The following ZNF420 variants were observed in gnomAD, a reference collection of about 807,000 sequenced individuals.
The protein encoded by ZNF420 is zinc finger protein 420.
ZNF420 carries 31 observed loss-of-function variants against 44.7 expected under a neutral mutation model. That is an observed-to-expected ratio of 0.69 (90% CI 0.52 to 0.94). The LOEUF (loss-of-function observed/expected upper bound fraction) is 0.94. Ranked by LOEUF, ZNF420 falls within the 40% of genes least tolerant of loss-of-function variation. The probability of loss-of-function intolerance (pLI) is 0.00; values close to 1 mark genes in which losing one functional copy is unlikely to be tolerated. For synonymous variants in ZNF420, 245 were observed against 267.4 expected (o/e 0.92, Z 0.82); for missense variants, 681 against 827.9 (o/e 0.82, Z 2.18).
Position 37,056,993 on chromosome 19 carries a change from G to C in ZNF420, c.-124-23352G>C, listed in dbSNP as rs900152223. On this transcript the variant is annotated intron_variant, in intron 1 of 4. Coordinates refer to the ZNF420 transcript ENST00000587029. ...CAGCAGCGGAGCGCGAGTCGGCCTA[G>C]CCAATGCGCATGCGCGAAGCGCCAG... Among the ~76,000 whole-genome samples, 3 of 152,284 alleles carry C rather than the reference G, an allele frequency of 2.0e-5. No homozygotes were observed. The East Asian group carries it at 5.8e-4, about 29-fold the overall frequency.
chr19:37,070,708 A>G (rs984643001), intron 1 of ZNF420, among the ~76,000 whole-genome samples: 74 of 152,236 alleles, frequency 4.9e-4, no homozygotes, highest in Admixed American at 4.8e-3. Flanking sequence ...ATTCTACTGC[A>G]TATACATCTA....
chr19:37,097,493 T>C (rs967597715), intron 4 of ZNF420, among the ~76,000 whole-genome samples: 1 of 152,184 alleles, frequency 6.6e-6, no homozygotes, highest in East Asian at 1.9e-4. Context: ...TGAAAACAAA[T>C]CATTCTTATC....
At chr19:37,125,425 G>A (rs1971292625) in intron 4 of ZNF420, among the ~76,000 whole-genome samples, 1 of 152,176 alleles carries the variant, frequency 6.6e-6, no homozygotes, top group Admixed American at 6.5e-5. Flanking sequence ...ATTTAGTATG[G>A]AGGTGCTTTT....
intron 1 of ZNF420, among the ~76,000 whole-genome samples, chr19:37,043,892 C>T (rs1357009881): frequency 3.3e-5 from 5 of 152,168 alleles, no homozygotes; most frequent in African/African-American, 1.2e-4. Flanking sequence ...GGAAGGGAAG[C>T]ACACCAGAAG....
chr19:37,104,900 C>A (rs1487594063), intron 4 of ZNF420, among the ~76,000 whole-genome samples: 1 of 152,030 alleles, frequency 6.6e-6, no homozygotes, highest in Admixed American at 6.5e-5. Context: ...GGATATTAGC[C>A]CTTTGTCAGA....
chr19:37,100,773 A>C (rs1011507102), intron 4 of ZNF420, among the ~76,000 whole-genome samples: 1 of 151,448 alleles, frequency 6.6e-6, no homozygotes, highest in Non-Finnish European at 1.5e-5. Context: ...GAATTTTAGG[A>C]TTCTTCTTTG....
rs760630791 is a variant in ZNF420, at chr19:37,127,114, C to G, written c.137-14C>G. The stretch of plus-strand genomic sequence containing the variant: ...TTATATTTCTCAATTTTTTTATTCT[C>G]TCTTATCTTTCAGACTTGCCTTCAA... On this transcript the variant is annotated splice_polypyrimidine_tract_variant and intron_variant, in intron 4 of 4. Transcript: ENST00000337995. The G allele has an allele frequency of 2.1e-6, 3 of 1,449,312 alleles. No individual in the cohort carries two copies. Among genetic ancestry groups the G allele is most frequent in the South Asian group, 3.4e-5 (2 of 58,544 alleles). The allele number at this position is 1,449,312 out of a possible 1,614,324, so 89.8% of individuals were successfully genotyped here. A position where few individuals can be genotyped will look rare whatever the true frequency, so the allele number is the denominator to read the frequency against.
chr19:37,044,450 C>G (rs1329896581), intron 1 of ZNF420, among the ~76,000 whole-genome samples: 4 of 152,200 alleles, frequency 2.6e-5, no homozygotes, highest in Non-Finnish European at 4.4e-5. Flanking sequence ...GACCAGCCCC[C>G]CAGTAACAGA....
At chr19:37,043,533 A>T (rs1037352311) in intron 1 of ZNF420, among the ~76,000 whole-genome samples, 15 of 151,828 alleles carry the variant, frequency 9.9e-5, no homozygotes, top group African/African-American at 3.4e-4. Context: ...TTATTTATTT[A>T]TTTTTTTTAG....
chr19:37,067,822 G>A (rs1967993650), intron 1 of ZNF420, among the ~76,000 whole-genome samples: 1 of 152,138 alleles, frequency 6.6e-6, no homozygotes, highest in Non-Finnish European at 1.5e-5. Context: ...CCATATGTGT[G>A]TGTACATTAT....
chr19:37,054,507 C>A lies in ZNF420; in HGVS notation c.-124-25838C>A, dbSNP rs1051032369. Among the ~76,000 whole-genome samples, 2 of 152,192 alleles carry A rather than the reference C, an allele frequency of 1.3e-5. 1 individual carries two copies. Among genetic ancestry groups the A allele is most frequent in the South Asian group, 4.1e-4 (2 of 4,834 alleles). ...ATTCAGCCATCTTGGCTCCACCGAACAAATTTTTATTGTATCTTTTAGTCT... is the reference window on the plus strand; with the variant it reads ...ATTCAGCCATCTTGGCTCCACCGAAAAAATTTTTATTGTATCTTTTAGTCT... On this transcript the variant is annotated intron_variant, in intron 1 of 4. Transcript: ENST00000587029.
chr19:37,118,585 C>T (rs1465281908), intron 4 of ZNF420, among the ~76,000 whole-genome samples: 3 of 152,124 alleles, frequency 2.0e-5, no homozygotes, highest in Non-Finnish European at 4.4e-5. Context: ...AACCAGCTAA[C>T]ATCATAATGA....
chr19:37,059,143 CGGT>C (rs1243149513), intron 1 of ZNF420, among the ~76,000 whole-genome samples: 2 of 152,214 alleles, frequency 1.3e-5, no homozygotes, highest in East Asian at 3.9e-4. Context: ...CCCCCTCCAC[CGGT>C]GGAAGTCGAC....
At chr19:37,012,341 G>C (rs1232984487) in intron 1 of ZNF420, among the ~76,000 whole-genome samples, 4 of 152,228 alleles carry the variant, frequency 2.6e-5, no homozygotes, top group Admixed American at 2.6e-4. Flanking sequence ...GCATGCGTGA[G>C]GCGCGAACAG....
At chr19:37,015,676 T>C (rs903412487) in intron 1 of ZNF420, among the ~76,000 whole-genome samples, 11 of 152,160 alleles carry the variant, frequency 7.2e-5, no homozygotes, top group African/African-American at 1.9e-4. Context: ...CAGGTGCAGA[T>C]AGATGTCAAA....
chr19:37,063,632 C>T (rs11668615), intron 1 of ZNF420, among the ~76,000 whole-genome samples: 35,021 of 150,674 alleles, frequency 0.23, 4,694 homozygotes, highest in Non-Finnish European at 0.31. Flanking sequence ...GATGTTAATC[C>T]GACTGTGCAG....
intron 1 of ZNF420, among the ~76,000 whole-genome samples, chr19:37,062,674 T>C (rs1400626766): frequency 2.0e-5 from 3 of 152,230 alleles, no homozygotes; most frequent in Non-Finnish European, 2.9e-5. Context: ...GTTGAGATTA[T>C]TGTTATCTAC....
intron 4 of ZNF420, among the ~76,000 whole-genome samples, chr19:37,100,430 C>T (rs1271791185): frequency 3.3e-5 from 5 of 152,058 alleles, no homozygotes; most frequent in African/African-American, 7.2e-5. Context: ...ATTGCTTTGG[C>T]GGCCTGGCGC....
At chr19:37,050,771 G>A (rs957228699) in intron 1 of ZNF420, among the ~76,000 whole-genome samples, 3 of 152,208 alleles carry the variant, frequency 2.0e-5, no homozygotes, top group Non-Finnish European at 4.4e-5. Flanking sequence ...AGTGGTGAGA[G>A]AGGGCATCCC....
Sources: allele counts gnomAD v4.1 joint callset (sites outside exome capture counted in the v4.1 genomes callset), GRCh38; gene constraint gnomAD v4.1.1; transcripts MANE v1.5; gene names NCBI Gene and HGNC (gene_info 2026-07-23, HGNC 2026-07-21).